ZPBP: variants seen among roughly 807,000 people sequenced by gnomAD.
ZPBP encodes the protein zona pellucida binding protein.
In ZPBP, 26 loss-of-function variants were observed where a neutral mutation model predicts 44.8. That is an observed-to-expected ratio of 0.58 (90% CI 0.43 to 0.81). The LOEUF (loss-of-function observed/expected upper bound fraction) is 0.81. Ranked by LOEUF, ZPBP falls within the 30% of genes least tolerant of loss-of-function variation. The pLI, the probability that ZPBP is intolerant of heterozygous loss-of-function variation, is 0.00. For missense variants in ZPBP, 409 were observed against 434.0 expected, an observed-to-expected ratio of 0.94 and a Z score of 0.51; for synonymous variants, 174 against 153.2, an observed-to-expected ratio of 1.14 and a Z score of -1.00.
At chr7:50,067,740 G>C (rs1425135499) in intron 3 of ZPBP, among the ~76,000 whole-genome samples, 1 of 152,212 alleles carries the variant, frequency 6.6e-6, no homozygotes, top group African/African-American at 2.4e-5. Flanking sequence ...AGTCTCTAAA[G>C]TCAGTTTATT....
intron 2 of ZPBP, among the ~76,000 whole-genome samples, chr7:49,871,804 A>C (rs537478135): frequency 6.6e-6 from 1 of 151,516 alleles, no homozygotes; most frequent in South Asian, 2.1e-4. Context: ...ATTACATTTA[A>C]GGGAAATTAT....
At chr7:49,999,904 A>G (rs1003380728) in intron 6 of ZPBP, among the ~76,000 whole-genome samples, 3 of 152,302 alleles carry the variant, frequency 2.0e-5, no homozygotes, top group South Asian at 2.1e-4. Context: ...TAAAAACCAC[A>G]GGATAATAAT....
At chr7:49,874,135 T>C (rs1791296061) in intron 2 of ZPBP, among the ~76,000 whole-genome samples, 1 of 152,072 alleles carries the variant, frequency 6.6e-6, no homozygotes, top group Non-Finnish European at 1.5e-5. Flanking sequence ...CTCTATGTGT[T>C]GTAGCCAAGG....
chr7:49,967,727 G>A (rs1207623739), intron 7 of ZPBP, among the ~76,000 whole-genome samples: 1 of 152,066 alleles, frequency 6.6e-6, no homozygotes, highest in Non-Finnish European at 1.5e-5. Context: ...TGTATTTTTA[G>A]TAGAGATGGG....
At chr7:49,878,632 T>G (rs761595731) in intron 2 of ZPBP, among the ~76,000 whole-genome samples, 3 of 152,294 alleles carry the variant, frequency 2.0e-5, no homozygotes, top group Non-Finnish European at 4.4e-5. Flanking sequence ...AAGTTGTATA[T>G]TATTATTAGT....
At chr7:49,852,908 C>T (rs1244263692) in intron 2 of ZPBP, among the ~76,000 whole-genome samples, 1 of 152,224 alleles carries the variant, frequency 6.6e-6, no homozygotes, top group Non-Finnish European at 1.5e-5. Context: ...ACTCTGTGGA[C>T]TTGGGTAACT....
chr7:50,090,664 T>C lies in ZPBP; in HGVS notation c.128-955A>G, dbSNP rs28826440. ...ACACACATGCACACACACACACACA[T>C]ATATATATACACATATACCATACAC... On this transcript the variant is annotated intron_variant, in intron 1 of 7. Transcript: ENST00000046087. Among the ~76,000 whole-genome samples the C allele has an allele frequency of 5.0e-3, 761 of 151,806 alleles. 4 individuals carry two copies. Among genetic ancestry groups the C allele is most frequent in the African/African-American group, 0.016 (661 of 41,400 alleles).
intron 2 of ZPBP, among the ~76,000 whole-genome samples, chr7:50,088,390 C>T (rs982187350): frequency 1.3e-5 from 2 of 151,910 alleles, no homozygotes; most frequent in Non-Finnish European, 2.9e-5. Flanking sequence ...AGATATGATA[C>T]CTGAAGCACC....
chr7:49,920,260 G>A (rs914605953), intron 1 of ZPBP: 3 of 150,324 alleles, frequency 2.0e-5, no homozygotes, highest in African/African-American at 7.3e-5. Context: ...CTTTTCTTAA[G>A]GAAAAAATGA....
chr7:49,883,300 C>CA (rs1469525367), intron 2 of ZPBP, among the ~76,000 whole-genome samples: 1 of 151,956 alleles, frequency 6.6e-6, no homozygotes, highest in African/African-American at 2.4e-5. Flanking sequence ...CCATGGAGAA[C>CA]AAACCAGGCC....
chr7:49,981,664 T>TC, intron 7 of ZPBP, among the ~76,000 whole-genome samples: 1 of 61,370 alleles, frequency 1.6e-5, no homozygotes, highest in Non-Finnish European at 2.5e-5. Flanking sequence ...ATATAAAATA[T>TC]ATATTATATA....
intron 1 of ZPBP, chr7:49,915,095 A>G (rs1036607654): frequency 6.6e-6 from 1 of 152,234 alleles, no homozygotes; most frequent in Non-Finnish European, 1.5e-5. Flanking sequence ...GAGGTTTTCA[A>G]GTTAAATTCA....
At chr7:49,898,523 C>T (rs1022281019) in intron 2 of ZPBP, among the ~76,000 whole-genome samples, 35 of 152,066 alleles carry the variant, frequency 2.3e-4, no homozygotes, top group East Asian at 3.9e-4. Context: ...GTTAATTCTG[C>T]AGGCTACAAA....
At chr7:49,998,933 C>G (rs949102772) in intron 6 of ZPBP, among the ~76,000 whole-genome samples, 1 of 152,068 alleles carries the variant, frequency 6.6e-6, no homozygotes, top group Non-Finnish European at 1.5e-5. Flanking sequence ...GGTTGAGCAT[C>G]TCTAATTTGA....
intron 5 of ZPBP, among the ~76,000 whole-genome samples, chr7:50,025,127 A>T (rs927967351): frequency 6.6e-6 from 1 of 151,854 alleles, no homozygotes; most frequent in African/African-American, 2.4e-5. Flanking sequence ...AACTCTGATT[A>T]AAAAAATCAA....
intron 1 of ZPBP, among the ~76,000 whole-genome samples, chr7:49,932,379 C>T (rs948433084): frequency 2.6e-5 from 4 of 152,252 alleles, no homozygotes; most frequent in Non-Finnish European, 5.9e-5. Context: ...CCACCTCTTG[C>T]ATCAGCATGA....
intron 4 of ZPBP, among the ~76,000 whole-genome samples, chr7:50,046,320 T>C (rs1411090346): frequency 6.6e-6 from 1 of 152,122 alleles, no homozygotes; most frequent in Non-Finnish European, 1.5e-5. Context: ...ACTAAAGAGC[T>C]TCTGCACAGC....
intron 2 of ZPBP, among the ~76,000 whole-genome samples, chr7:49,859,038 G>GGTGCTA (rs1263406127): frequency 1.3e-5 from 2 of 152,188 alleles, no homozygotes; most frequent in African/African-American, 4.8e-5. Flanking sequence ...AGCGACTGCA[G>GGTGCTA]GTGCTACTAG....
intron 6 of ZPBP, among the ~76,000 whole-genome samples, chr7:50,001,966 G>A (rs11971373): frequency 0.46 from 70,205 of 151,798 alleles, 17,090 homozygotes; most frequent in East Asian, 0.67. Flanking sequence ...ATGCAGTGGC[G>A]CAACCGAGGC....
Sources: gnomAD v4.1 joint callset for allele counts (sites outside exome capture counted in the v4.1 genomes callset) on GRCh38, gnomAD v4.1.1 for gene constraint, MANE v1.5 for transcripts, NCBI Gene and HGNC (gene_info 2026-07-23, HGNC 2026-07-21) for gene names.